Variants in AFG2A observed in about 807,000 individuals in gnomAD.
The protein encoded by AFG2A is ATPase family gene 2 protein homolog A.
At chr4:123,053,747 G>A in the AFG2A span, among the ~76,000 whole-genome samples, 2 of 152,270 alleles carry the variant, frequency 1.3e-5, no homozygotes, top group South Asian at 2.1e-4. Flanking sequence ...GGACTCTGCT[G>A]TAGGGACGGA....
chr4:123,003,102 C>A, the AFG2A span, among the ~76,000 whole-genome samples: 1 of 152,290 alleles, frequency 6.6e-6, no homozygotes, highest in South Asian at 2.1e-4. Flanking sequence ...CGCATCGGCT[C>A]CTGAGGCTTC....
the AFG2A span, among the ~76,000 whole-genome samples, chr4:123,066,669 A>G: frequency 6.6e-6 from 1 of 152,152 alleles, no homozygotes; most frequent in South Asian, 2.1e-4. Context: ...CAACTTAGAT[A>G]TTTTTAGCCA....
chr4:123,170,229 AGTCT>A, the AFG2A span, among the ~76,000 whole-genome samples: 1 of 152,314 alleles, frequency 6.6e-6, no homozygotes, highest in East Asian at 1.9e-4. Flanking sequence ...TGAACTAGTA[AGTCT>A]TCTGGCATTC....
the AFG2A span, among the ~76,000 whole-genome samples, chr4:123,198,830 G>C: frequency 4.6e-5 from 7 of 152,204 alleles, no homozygotes; most frequent in Non-Finnish European, 1.5e-5. Flanking sequence ...GAGTAAGATT[G>C]TGGTGGGAAG....
the AFG2A span, among the ~76,000 whole-genome samples, chr4:123,097,807 G>A: frequency 2.6e-5 from 4 of 152,148 alleles, no homozygotes; most frequent in East Asian, 3.8e-4. Flanking sequence ...AGATAAAGAC[G>A]CTTTATCTCA....
At chr4:123,092,446 T>C in the AFG2A span, among the ~76,000 whole-genome samples, 1 of 152,220 alleles carries the variant, frequency 6.6e-6, no homozygotes, top group Admixed American at 6.5e-5. Flanking sequence ...ATATTAGATA[T>C]ATTTCTTGAA....
the AFG2A span, among the ~76,000 whole-genome samples, chr4:123,269,770 T>C: frequency 1.3e-5 from 2 of 152,214 alleles, no homozygotes; most frequent in Admixed American, 1.3e-4. Flanking sequence ...AATGCATCTT[T>C]TCTTTTTCCG....
chr4:122,978,897 A>C, the AFG2A span, among the ~76,000 whole-genome samples: 1 of 152,246 alleles, frequency 6.6e-6, no homozygotes, highest in Admixed American at 6.5e-5. Context: ...GGGAGAGGCC[A>C]GGCAGTAGAA....
chr4:122,959,461 T>C, the AFG2A span, among the ~76,000 whole-genome samples: 1 of 152,258 alleles, frequency 6.6e-6, no homozygotes, highest in Admixed American at 6.5e-5. Context: ...CAGACATGTG[T>C]ATTTCCTAGT....
chr4:123,101,589 C>T, the AFG2A span, among the ~76,000 whole-genome samples: 1 of 151,698 alleles, frequency 6.6e-6, no homozygotes, highest in African/African-American at 2.4e-5. Context: ...TTATAGTTGC[C>T]GTTTCATGAA....
chr4:123,316,599 C>T, the AFG2A span: 1 of 152,024 alleles, frequency 6.6e-6, no homozygotes, highest in Non-Finnish European at 1.5e-5. Flanking sequence ...AAAACTTATC[C>T]TTCAGGGCCT....
chr4:122,986,756 TACTAATAATTAAAAAA>T, the AFG2A span, among the ~76,000 whole-genome samples: 3 of 152,220 alleles, frequency 2.0e-5, no homozygotes, highest in South Asian at 4.1e-4. Context: ...AAATTAAAAA[TACTAATAATTAAAAAA>T]AGAGAAAATA....
At chr4:123,099,658 T>C in the AFG2A span, among the ~76,000 whole-genome samples, 2 of 151,838 alleles carry the variant, frequency 1.3e-5, no homozygotes, top group African/African-American at 4.8e-5. Context: ...AATTAACTTA[T>C]TTCAAGCATA....
the AFG2A span, among the ~76,000 whole-genome samples, chr4:122,943,749 G>T: frequency 0.76 from 115,105 of 152,086 alleles, 47,059 homozygotes; most frequent in East Asian, 0.96. Flanking sequence ...TTTACATTTT[G>T]GCATGATTTT....
chr4:123,200,582 A>G, the AFG2A span, among the ~76,000 whole-genome samples: 32 of 152,352 alleles, frequency 2.1e-4, no homozygotes, highest in African/African-American at 7.7e-4. Context: ...GCTCCTATGC[A>G]TACCACAAGC....
chr4:123,302,307 T>C, the AFG2A span, among the ~76,000 whole-genome samples: 9 of 151,916 alleles, frequency 5.9e-5, no homozygotes, highest in Non-Finnish European at 1.2e-4. Flanking sequence ...TGAGTGCTTT[T>C]ACCCAAAGTG....
the AFG2A span, among the ~76,000 whole-genome samples, chr4:123,230,421 C>G: frequency 6.6e-6 from 1 of 151,888 alleles, no homozygotes; most frequent in Admixed American, 6.6e-5. Context: ...CATGAGATTC[C>G]TGCAATTCAG....
the AFG2A span, among the ~76,000 whole-genome samples, chr4:123,052,099 G>A: frequency 1.3e-5 from 2 of 151,954 alleles, no homozygotes; most frequent in South Asian, 2.1e-4. Flanking sequence ...TTTTGATGTT[G>A]TCTCATAGCT....
At chr4:123,291,466 C>T in the AFG2A span, among the ~76,000 whole-genome samples, 1 of 152,126 alleles carries the variant, frequency 6.6e-6, no homozygotes, top group East Asian at 1.9e-4. Flanking sequence ...ATTGACCTTT[C>T]ATTTTGAAAT....
Sources: allele counts gnomAD v4.1 joint callset (sites outside exome capture counted in the v4.1 genomes callset), GRCh38; gene constraint gnomAD v4.1.1; transcripts MANE v1.5; gene names NCBI Gene and HGNC (gene_info 2026-07-23, HGNC 2026-07-21).